Variants in COL21A1 observed in about 807,000 individuals in gnomAD.
COL21A1 encodes the protein collagen alpha-1(XXI) chain.
A neutral mutation model predicts 137.9 loss-of-function variants in COL21A1; 149 were observed. The ratio of observed to expected loss-of-function variants is 1.08; its 90% CI spans 0.95 to 1.24. COL21A1 has a LOEUF of 1.24. COL21A1 is among the 50% of genes most tolerant of loss of function. The probability of loss-of-function intolerance (pLI) is 0.00; values close to 1 mark genes in which losing one functional copy is unlikely to be tolerated. For synonymous variants in COL21A1, 456 were observed against 391.5 expected (o/e 1.16, Z -1.95); for missense variants, 1,167 against 1,158.4 (o/e 1.01, Z -0.11).
In COL21A1 at chr6:56,179,978, T is replaced by A; in HGVS notation, c.240A>T (p.Gln80His). Residue 80 changes from glutamine (Q) to histidine (H), a missense_variant, in exon 3 of 30, where the codon CAA becomes CAT. Gln to His is a conservative substitution (Grantham distance 24). Transcript: ENST00000244728. ...GPKFIQVGVVQYSDYPVLEIP... is the reference protein window; with the variant it reads ...GPKFIQVGVVHYSDYPVLEIP... ...TCTCCAGCACAGGGTAGTCACTATA[T>A]TGAACCACTCCAACTTGAATAAACT... The A allele has an allele frequency of 1.2e-6, 2 of 1,613,968 alleles. No individual in the cohort carries two copies. Among genetic ancestry groups the A allele is most frequent in the South Asian group, 2.2e-5 (2 of 91,088 alleles).
chr6:56,309,499 T>C (rs1221612033), intron 1 of COL21A1, among the ~76,000 whole-genome samples: 1 of 152,142 alleles, frequency 6.6e-6, no homozygotes, highest in Non-Finnish European at 1.5e-5. Context: ...CAGAGGTAGC[T>C]CTGGAATAAA....
chr6:56,325,632 A>C (rs1428440674), intron 1 of COL21A1, among the ~76,000 whole-genome samples: 1 of 688 alleles, frequency 1.5e-3, no homozygotes, highest in Non-Finnish European at 0.056. Flanking sequence ...AATCTATTAT[A>C]TATAATATAT....
At chr6:56,334,028 T>TCTGATAGTATGGAGTTTCAGTA (rs146717098) in intron 1 of COL21A1, among the ~76,000 whole-genome samples, 1 of 151,524 alleles carries the variant, frequency 6.6e-6, no homozygotes, top group South Asian at 2.1e-4. Context: ...ATGCTTTGCA[T>TCTGATAGTATGGAGTTTCAGTA]ATGACAGTAT....
intron 1 of COL21A1, among the ~76,000 whole-genome samples, chr6:56,370,215 G>T (rs2152349989): frequency 6.6e-6 from 1 of 152,240 alleles, no homozygotes; most frequent in East Asian, 1.9e-4. Context: ...CCCAGCAGTG[G>T]CCGCTTGAGG....
At chr6:56,114,747 T>C (rs1210900818) in intron 16 of COL21A1, among the ~76,000 whole-genome samples, 3 of 148,668 alleles carry the variant, frequency 2.0e-5, no homozygotes, top group African/African-American at 7.5e-5. Context: ...AGTTCAACCA[T>C]TGTGGAAGTC....
intron 1 of COL21A1, among the ~76,000 whole-genome samples, chr6:56,269,374 G>A (rs372928643): frequency 9.9e-5 from 15 of 152,002 alleles, no homozygotes; most frequent in Admixed American, 3.9e-4. Context: ...GTGACAGGTC[G>A]GCCGGGCGCG....
chr6:56,287,512 T>C (rs2152334973), intron 1 of COL21A1, among the ~76,000 whole-genome samples: 1 of 152,162 alleles, frequency 6.6e-6, no homozygotes, highest in South Asian at 2.1e-4. Context: ...TACAAGTGTA[T>C]AGCACCTCCC....
At chr6:56,069,688 A>T (rs948344174) in intron 21 of COL21A1, among the ~76,000 whole-genome samples, 2 of 150,586 alleles carry the variant, frequency 1.3e-5, no homozygotes, top group Admixed American at 6.6e-5. Context: ...ATCTCTAAAT[A>T]TATTAATATT....
chr6:56,365,368 C>T (rs1172980964), intron 1 of COL21A1, among the ~76,000 whole-genome samples: 1 of 152,132 alleles, frequency 6.6e-6, no homozygotes, highest in Non-Finnish European at 1.5e-5. Context: ...AAAAGCAGAC[C>T]TGTGTACCTT....
Position 56,274,651 on chromosome 6 carries a change from A to T in COL21A1, c.-38-91995T>A, listed in dbSNP as rs146579986. Reference sequence around the variant, plus strand: ...AAAAAGAAAAATGAAATACCTAGGAATACAGTTAACAATAGGGGTGACAGA... The same window carrying T: ...AAAAAGAAAAATGAAATACCTAGGATTACAGTTAACAATAGGGGTGACAGA... On this transcript the variant is annotated intron_variant, in intron 1 of 28. Transcript: ENST00000370819. Among the ~76,000 whole-genome samples, 568 of 152,318 alleles carry T rather than the reference A, an allele frequency of 3.7e-3. 3 individuals are homozygous for T. The highest frequency in any genetic ancestry group is 0.034 in the Middle Eastern group (10 of 294).
chr6:56,347,629 T>C lies in COL21A1; in HGVS notation c.-39+46342A>G, dbSNP rs552926170. On this transcript the variant is annotated intron_variant, in intron 1 of 28. Coordinates refer to the COL21A1 transcript ENST00000370819. ...CCTGAGCATTAGTATTTTCTAAGCCTCCCCAGGTAATTCTGATACACAACC... is the reference window on the plus strand; with the variant it reads ...CCTGAGCATTAGTATTTTCTAAGCCCCCCCAGGTAATTCTGATACACAACC... 7.3e-4 allele frequency among the ~76,000 whole-genome samples: 110 copies of C among 151,340 alleles called. No homozygotes were observed. The South Asian group carries it at 7.6e-3, about 10-fold the overall frequency.
intron 1 of COL21A1, among the ~76,000 whole-genome samples, chr6:56,299,905 C>A (rs762402380): frequency 3.3e-5 from 5 of 151,982 alleles, no homozygotes; most frequent in Admixed American, 6.6e-5. Context: ...CCCTTTCTCC[C>A]GATAAATAAA....
chr6:56,259,001 C>A (rs967347132), intron 1 of COL21A1, among the ~76,000 whole-genome samples: 1 of 152,124 alleles, frequency 6.6e-6, no homozygotes, highest in African/African-American at 2.4e-5. Flanking sequence ...ACTAAAAATA[C>A]CCATTTAACT....
chr6:56,110,918 A>C (rs548224484), intron 16 of COL21A1, among the ~76,000 whole-genome samples: 6 of 152,302 alleles, frequency 3.9e-5, no homozygotes, highest in Admixed American at 3.9e-4. Context: ...AGAGACATGA[A>C]GATGCTCTTC....
rs1483531468 is a variant in COL21A1, at chr6:56,057,548, C to G, written c.*109G>C. On this transcript the variant is annotated 3_prime_UTR_variant, in exon 30 of 30. Coordinates refer to ENST00000244728, the MANE Select transcript of COL21A1 (RefSeq NM_030820.4). The stretch of plus-strand genomic sequence containing the variant: ...CCATAAGAAAAAAAAAATAAAAACA[C>G]CGAGGTACTTAAGTTTCTTTTCAAG... 2.0e-6 allele frequency: 2 copies of G among 983,188 alleles called. No individual in the cohort carries two copies. Among genetic ancestry groups the G allele is most frequent in the African/African-American group, 1.7e-5 (1 of 59,402 alleles). 60.9% of individuals were successfully genotyped at this position (983,188 alleles called of 1,614,324 possible).
intron 9 of COL21A1, among the ~76,000 whole-genome samples, chr6:56,159,634 C>CT (rs11449474): frequency 0.58 from 71,225 of 123,480 alleles, 20,551 homozygotes; most frequent in East Asian, 0.8. Flanking sequence ...CCTGGCCTTA[C>CT]TTTTTTTTTT....
chr6:56,098,874 C>A (rs1562194736), intron 17 of COL21A1, among the ~76,000 whole-genome samples: 1 of 148,976 alleles, frequency 6.7e-6, no homozygotes, highest in South Asian at 2.1e-4. Flanking sequence ...TGCCACCACG[C>A]CCTGCTAATT....
intron 1 of COL21A1, among the ~76,000 whole-genome samples, chr6:56,214,124 C>T (rs1414258495): frequency 2.0e-5 from 3 of 152,008 alleles, no homozygotes; most frequent in Middle Eastern, 3.4e-3. Context: ...TTTCTTGGAG[C>T]AGGAATCACA....
At chr6:56,171,904 G>T (rs74906500) in intron 3 of COL21A1, among the ~76,000 whole-genome samples, 10,127 of 151,822 alleles carry the variant, frequency 0.067, 398 homozygotes, top group Admixed American at 0.11. Context: ...ATTAATAGCA[G>T]ACTTTAACAA....
Sources: gnomAD v4.1 joint callset for allele counts (sites outside exome capture counted in the v4.1 genomes callset) on GRCh38, gnomAD v4.1.1 for gene constraint, MANE v1.5 for transcripts, NCBI Gene and HGNC (gene_info 2026-07-23, HGNC 2026-07-21) for gene names.